The following RSF1 variants were observed in gnomAD, a reference collection of about 807,000 sequenced individuals.
The protein encoded by RSF1 is HBV pX-associated protein 8.
Under a neutral mutation model 145.2 loss-of-function variants are expected in RSF1, and 13 were observed. The observed-to-expected ratio is 0.09, with a 90% confidence interval of 0.06 to 0.14. The LOEUF is 0.14. Among genes scored for constraint, RSF1 ranks in the 10% least tolerant of loss-of-function variants. The pLI is 1.00. For missense variants in RSF1, 1,517 were observed against 1,718.2 expected (o/e 0.88, Z 2.07); for synonymous variants, 577 against 592.6 (o/e 0.97, Z 0.38).
chr11:77,804,326 T>G (rs1323895854), intron 1 of RSF1, among the ~76,000 whole-genome samples: 1 of 151,948 alleles, frequency 6.6e-6, no homozygotes, highest in Non-Finnish European at 1.5e-5. Context: ...GAACCTGAGG[T>G]GGGTTATGGG....
At chr11:77,762,376 T>C (rs1339991865) in intron 2 of RSF1, 4 of 152,170 alleles carry the variant, frequency 2.6e-5, no homozygotes, top group Non-Finnish European at 5.9e-5. Flanking sequence ...GTTGTTGATT[T>C]TACCTTCCAA....
At chr11:77,859,722 A>G in the RSF1 span, among the ~76,000 whole-genome samples, 1 of 152,230 alleles carries the variant, frequency 6.6e-6, no homozygotes, top group Non-Finnish European at 1.5e-5. Flanking sequence ...GGAACCCCTA[A>G]AAGGTCCCCT....
chr11:77,705,292 A>G (rs542136758), intron 5 of RSF1, among the ~76,000 whole-genome samples: 4 of 152,220 alleles, frequency 2.6e-5, no homozygotes, highest in Non-Finnish European at 5.9e-5. Flanking sequence ...AAGTGACCAA[A>G]GGAAAAATTC....
Position 77,663,577 on chromosome 11 carries a change from G to A in RSF1, c.*3340C>T, listed in dbSNP as rs972407438. Reference sequence around the variant, plus strand: ...TAAATGAAACTACCCTTTATCCTCTGAATCTGTAACCTTGACCAATTGAAA... The same window carrying A: ...TAAATGAAACTACCCTTTATCCTCTAAATCTGTAACCTTGACCAATTGAAA... On this transcript the variant is annotated 3_prime_UTR_variant, in exon 16 of 16. Coordinates refer to ENST00000308488, the MANE Select transcript of RSF1 (RefSeq NM_016578.4). 5 of 152,076 alleles carry A rather than the reference G, an allele frequency of 3.3e-5. No homozygotes were observed. Among genetic ancestry groups the A allele is most frequent in the Admixed American group, 6.6e-5 (1 of 15,258 alleles). 9.4% of individuals were successfully genotyped at this position (152,076 alleles called of 1,614,324 possible).
At chr11:77,711,709 T>C (rs1224731291) in intron 5 of RSF1, among the ~76,000 whole-genome samples, 2 of 151,994 alleles carry the variant, frequency 1.3e-5, no homozygotes, top group African/African-American at 4.8e-5. Context: ...AAGTGCACTC[T>C]CACCCTACTT....
chr11:77,718,636 A>G (rs1960872878), intron 5 of RSF1, among the ~76,000 whole-genome samples: 1 of 152,226 alleles, frequency 6.6e-6, no homozygotes, highest in Non-Finnish European at 1.5e-5. Context: ...TTAACATTAC[A>G]GGAATGGTGC....
intron 8 of RSF1, among the ~76,000 whole-genome samples, chr11:77,693,254 TGTGCTTTTA>T (rs1223964148): frequency 1.3e-5 from 2 of 152,216 alleles, no homozygotes; most frequent in Non-Finnish European, 2.9e-5. Context: ...TGGTGCTTTT[TGTGCTTTTA>T]ACAAATACAA....
chr11:77,719,490 T>C lies in RSF1; in HGVS notation c.733+6055A>G, dbSNP rs1404247754. Reference sequence around the variant, plus strand: ...AAATGGAGTGTAAATCTCACGTAAATAGAAACAACCATTACTCAGCTACAG... The same window carrying C: ...AAATGGAGTGTAAATCTCACGTAAACAGAAACAACCATTACTCAGCTACAG... On this transcript the variant is annotated intron_variant, in intron 5 of 15. Coordinates refer to ENST00000308488, the MANE Select transcript of RSF1 (RefSeq NM_016578.4). Among the ~76,000 whole-genome samples, 6 of 152,192 alleles carry C rather than the reference T, an allele frequency of 3.9e-5. No individual in the cohort carries two copies. In the South Asian group the frequency reaches 1.0e-3, roughly 26 times the overall value.
intron 3 of RSF1, among the ~76,000 whole-genome samples, chr11:77,743,648 T>C (rs951645123): frequency 9.8e-5 from 15 of 152,316 alleles, no homozygotes; most frequent in African/African-American, 3.1e-4. Flanking sequence ...ATACATAAAA[T>C]CATGTCATCT....
the RSF1 span, among the ~76,000 whole-genome samples, chr11:77,832,941 G>GTATA: frequency 5.3e-5 from 5 of 94,210 alleles, no homozygotes; most frequent in Admixed American, 1.2e-4. Context: ...GCACTTTATT[G>GTATA]TATATATATA....
intron 1 of RSF1, among the ~76,000 whole-genome samples, chr11:77,810,538 T>C (rs1232133127): frequency 1.3e-5 from 2 of 152,152 alleles, no homozygotes; most frequent in Non-Finnish European, 2.9e-5. Context: ...TTAATTTGTA[T>C]TATATTGGTT....
At chr11:77,764,122 G>C (rs61361232) in intron 2 of RSF1, 27,111 of 154,032 alleles carry the variant, frequency 0.18, 2,986 homozygotes, top group African/African-American at 0.29. Context: ...GCTGATCTCA[G>C]AGGAAGCAGA....
the RSF1 span, chr11:77,868,955 C>T: frequency 3.9e-6 from 1 of 257,340 alleles, no homozygotes. Context: ...TGGCCTGTAA[C>T]TTATTTGTTT....
chr11:77,734,501 G>C (rs1176389024), intron 4 of RSF1: 10 of 1,588,456 alleles, frequency 6.3e-6, no homozygotes, highest in Non-Finnish European at 8.5e-6. Flanking sequence ...CTGTCTCCCA[G>C]GGTGTGCTTG....
the RSF1 span, chr11:77,831,862 A>AT: frequency 0.028 from 2,261 of 80,816 alleles, 110 homozygotes; most frequent in African/African-American, 0.067. Flanking sequence ...TGCCTGGCTA[A>AT]TTTTTTTTTT....
At chr11:77,673,041 G>A (rs1401482090) in intron 14 of RSF1, among the ~76,000 whole-genome samples, 1 of 152,120 alleles carries the variant, frequency 6.6e-6, no homozygotes, top group Non-Finnish European at 1.5e-5. Flanking sequence ...CAGCTACCTG[G>A]TCAGGTACAC....
At chr11:77,814,154 C>T (rs553583485) in intron 1 of RSF1, among the ~76,000 whole-genome samples, 12 of 150,040 alleles carry the variant, frequency 8.0e-5, no homozygotes, top group Middle Eastern at 3.6e-3. Flanking sequence ...GAACCAGGAT[C>T]GCGCCACTGC....
the RSF1 span, among the ~76,000 whole-genome samples, chr11:77,870,355 T>TG: frequency 1.4e-4 from 18 of 129,548 alleles, no homozygotes; most frequent in African/African-American, 5.0e-4. Flanking sequence ...TTTTTTTTTT[T>TG]GAGACGGAGT....
the RSF1 span, among the ~76,000 whole-genome samples, chr11:77,845,995 T>C: frequency 2.0e-5 from 3 of 152,092 alleles, no homozygotes; most frequent in Admixed American, 6.6e-5. Flanking sequence ...TGTTGTTTTG[T>C]TTATATTTCT....
Sources: gnomAD v4.1 joint callset for allele counts (sites outside exome capture counted in the v4.1 genomes callset) on GRCh38, gnomAD v4.1.1 for gene constraint, MANE v1.5 for transcripts, NCBI Gene and HGNC (gene_info 2026-07-23, HGNC 2026-07-21) for gene names.